DYNC1I1: variants seen among roughly 807,000 people sequenced by gnomAD.
DYNC1I1 encodes the protein cytoplasmic dynein 1 intermediate chain 1.
In DYNC1I1, 43 loss-of-function variants were observed where a neutral mutation model predicts 86.6. The observed-to-expected ratio is 0.50, with a 90% CI of 0.39 to 0.64. The LOEUF (loss-of-function observed/expected upper bound fraction) is 0.64, where lower values mean the gene tolerates loss of function less well. Among genes scored for constraint, DYNC1I1 ranks in the 30% least tolerant of loss-of-function variants. The pLI, the probability that DYNC1I1 is intolerant of heterozygous loss-of-function variation, is 0.00. For synonymous variants in DYNC1I1, 262 were observed against 283.7 expected, an observed-to-expected ratio of 0.92 and a Z score of 0.77; for missense variants, 604 against 788.8, an observed-to-expected ratio of 0.77 and a Z score of 2.81.
At chr7:95,834,828 C>T (rs1183999260) in intron 5 of DYNC1I1, among the ~76,000 whole-genome samples, 1 of 147,356 alleles carries the variant, frequency 6.8e-6, no homozygotes. Context: ...TCCCCTTTAT[C>T]ATTTTTTATT....
rs1334096227 is a variant in DYNC1I1 at position 95,814,653 on chromosome 7, G to C, written c.314+1316G>C. 3.3e-5 allele frequency among the ~76,000 whole-genome samples: 5 copies of C among 152,156 alleles called. No homozygotes were observed. The East Asian group carries it at 9.6e-4, about 29-fold the overall frequency. On this transcript the variant is annotated intron_variant, in intron 4 of 16. Coordinates refer to ENST00000447467, the MANE Select transcript of DYNC1I1 (RefSeq NM_001135556.2). ...AGATAATCTAGCGTTGATCTGAGCT[G>C]TAGGGTTTTTTTGCTTTTGAAACCA... is the stretch of plus-strand genomic sequence containing the variant.
At chr7:96,034,259 C>G (rs1009739558) in intron 12 of DYNC1I1, among the ~76,000 whole-genome samples, 2 of 152,064 alleles carry the variant, frequency 1.3e-5, no homozygotes, top group Admixed American at 1.3e-4. Context: ...TATTTTATGG[C>G]TTTGTCTTAA....
chr7:95,865,214 C>A (rs537526680), intron 5 of DYNC1I1, among the ~76,000 whole-genome samples: 59 of 152,250 alleles, frequency 3.9e-4, no homozygotes, highest in African/African-American at 1.3e-3. Context: ...TATTGTACTG[C>A]ATAGGTGATA....
At chr7:95,922,430 ACCT>A in intron 6 of DYNC1I1, among the ~76,000 whole-genome samples, 1 of 152,022 alleles carries the variant, frequency 6.6e-6, no homozygotes, top group Non-Finnish European at 1.5e-5. Flanking sequence ...GGAAACCAAA[ACCT>A]ATTTTGCTCG....
chr7:95,876,935 T>C (rs1399155073), intron 6 of DYNC1I1, among the ~76,000 whole-genome samples: 1 of 151,980 alleles, frequency 6.6e-6, no homozygotes, highest in Non-Finnish European at 1.5e-5. Context: ...TAATAGCATA[T>C]AGCAAGTAAA....
intron 7 of DYNC1I1, 79 bp downstream of exon 7, chr7:95,977,680 G>C: frequency 7.4e-7 from 1 of 1,347,580 alleles, no homozygotes; most frequent in Non-Finnish European, 1.0e-6. Context: ...AGACTATAGA[G>C]CTAAGTAAAA....
At chr7:95,888,464 T>G (rs1349871805) in intron 6 of DYNC1I1, among the ~76,000 whole-genome samples, 1 of 152,012 alleles carries the variant, frequency 6.6e-6, no homozygotes, top group Admixed American at 6.6e-5. Context: ...GAAACAAAAT[T>G]AAAGGTACTT....
intron 5 of DYNC1I1, among the ~76,000 whole-genome samples, chr7:95,845,137 TA>T (rs1162845314): frequency 6.6e-6 from 1 of 152,226 alleles, no homozygotes; most frequent in Non-Finnish European, 1.5e-5. Context: ...GTGGTTTCAC[TA>T]GTAGGTGGTG....
intron 16 of DYNC1I1, among the ~76,000 whole-genome samples, chr7:96,092,632 G>A (rs1191899332): frequency 2.0e-5 from 3 of 152,128 alleles, no homozygotes; most frequent in Non-Finnish European, 4.4e-5. Context: ...AAGTTTTTCA[G>A]GGGTGAGGTG....
At chr7:95,904,975 A>C (rs1021460086) in intron 6 of DYNC1I1, among the ~76,000 whole-genome samples, 44 of 152,332 alleles carry the variant, frequency 2.9e-4, no homozygotes, top group South Asian at 1.5e-3. Context: ...AAAATGCCTT[A>C]TCACTGAAAT....
At position 96,097,540 on chromosome 7, in the gene DYNC1I1, C is replaced by A. The variant is rs1306600806; in HGVS notation, c.1834C>A (p.Arg612Ser). 6.2e-7 allele frequency: 1 copy of A among 1,613,772 alleles called. No individual in the cohort carries two copies. Among genetic ancestry groups the A allele is most frequent in the Admixed American group, 1.7e-5 (1 of 59,984 alleles). The change falls in exon 17 of 17, where the codon CGT becomes AGT. Residue 612 changes from arginine to serine, a missense_variant. Transcript: ENST00000447467. ...ATTTGCCAGGACCCTTGTGGAAATTCGTGCTAACAGAGCTGATAGCGAGGA... is the reference window on the plus strand; with the variant it reads ...ATTTGCCAGGACCCTTGTGGAAATTAGTGCTAACAGAGCTGATAGCGAGGA... ...TRFARTLVEI[R>S]ANRADSEEEG... is the part of the protein sequence containing the mutation.
At chr7:96,009,568 G>A (rs1217331195) in intron 10 of DYNC1I1, among the ~76,000 whole-genome samples, 1 of 152,100 alleles carries the variant, frequency 6.6e-6, no homozygotes, top group Admixed American at 6.5e-5. Context: ...AAACACACAG[G>A]CTGGATACTC....
chr7:96,055,216 A>G (rs1789535850), intron 14 of DYNC1I1, among the ~76,000 whole-genome samples: 1 of 152,076 alleles, frequency 6.6e-6, no homozygotes. Context: ...CATTTATTAA[A>G]TATGGACACA....
chr7:96,065,334 CCTT>C lies in DYNC1I1; in HGVS notation c.1510-10717_1510-10715del, dbSNP rs535468912. On this transcript the variant is annotated intron_variant, in intron 14 of 16. Coordinates refer to ENST00000447467, the MANE Select transcript of DYNC1I1 (RefSeq NM_001135556.2). ...TGCTCAAAATTTCCTCCATAGTCCT[CCTT>C]CTTCTCCATCCTCCCCACTCTTTTC... Among the ~76,000 whole-genome samples the C allele has an allele frequency of 8.6e-5, 13 of 151,742 alleles. No homozygotes were observed. The South Asian group carries it at 2.1e-3, about 24-fold the overall frequency.
chr7:96,028,058 A>G, intron 10 of DYNC1I1, 117 bp from the exon 11 acceptor site: 3 of 1,389,866 alleles, frequency 2.2e-6, no homozygotes. Context: ...GCTTTAAATT[A>G]TTTTTTTGTT....
At chr7:95,992,627 T>G (rs1178467778) in intron 9 of DYNC1I1, among the ~76,000 whole-genome samples, 1 of 152,020 alleles carries the variant, frequency 6.6e-6, no homozygotes, top group African/African-American at 2.4e-5. Context: ...AAATGCTAGG[T>G]TCTTTTTTTT....
intron 6 of DYNC1I1, among the ~76,000 whole-genome samples, chr7:95,962,760 A>G (rs891423135): frequency 1.3e-5 from 2 of 152,202 alleles, no homozygotes; most frequent in Non-Finnish European, 2.9e-5. Flanking sequence ...TGTAGTGAAT[A>G]AGACCATACT....
At chr7:95,946,108 C>T (rs1175797262) in intron 6 of DYNC1I1, among the ~76,000 whole-genome samples, 1 of 151,802 alleles carries the variant, frequency 6.6e-6, no homozygotes, top group Non-Finnish European at 1.5e-5. Flanking sequence ...ACAATGAGAA[C>T]ACATGGATGC....
At chr7:96,076,306 C>T (rs1790338596) in intron 15 of DYNC1I1, 109 bp downstream of exon 15, 3 of 1,456,052 alleles carry the variant, frequency 2.1e-6, no homozygotes, top group Non-Finnish European at 9.2e-7. Context: ...ACAGACCTTC[C>T]AACTGCAGCA....
Sources: allele counts gnomAD v4.1 joint callset (sites outside exome capture counted in the v4.1 genomes callset), GRCh38; gene constraint gnomAD v4.1.1; transcripts MANE v1.5; gene names NCBI Gene and HGNC (gene_info 2026-07-23, HGNC 2026-07-21).